ANKRD24: variants seen among roughly 807,000 people sequenced by gnomAD.
The protein encoded by ANKRD24 is ankyrin repeat domain-containing protein 24.
Under a neutral mutation model 127.8 loss-of-function variants are expected in ANKRD24, and 109 were observed. The observed-to-expected ratio is 0.85, with a 90% CI of 0.73 to 1.00. ANKRD24 has a LOEUF of 1.00. Ranked by LOEUF, ANKRD24 falls within the 50% of genes least tolerant of loss-of-function variation. The pLI, the probability that ANKRD24 is intolerant of heterozygous loss-of-function variation, is 0.00. For synonymous variants in ANKRD24, 743 were observed against 671.1 expected, an observed-to-expected ratio of 1.11 and a Z score of -1.66; for missense variants, 1,648 against 1,570.2, an observed-to-expected ratio of 1.05 and a Z score of -0.84.
chr19:4,200,727 GC>G (rs1350009599), intron 5 of ANKRD24, among the ~76,000 whole-genome samples: 1 of 152,044 alleles, frequency 6.6e-6, no homozygotes, highest in Non-Finnish European at 1.5e-5. Flanking sequence ...TCCCTGTGTT[GC>G]CCAGGCCGGT....
intron 2 of ANKRD24, among the ~76,000 whole-genome samples, chr19:4,189,347 G>A (rs1968252741): frequency 7.1e-6 from 1 of 140,094 alleles, no homozygotes; most frequent in Non-Finnish European, 1.5e-5. Context: ...CTGGATTCAA[G>A]CTATTCTTTT....
rs1220120409 is a variant in ANKRD24, at chr19:4,198,872, T to C, written c.37-811T>C. The stretch of plus-strand genomic sequence containing the variant: ...TGGAAGCTATTTTGGGAGAGCCGAT[T>C]TTGCGAAGAGGTAATGATTTGGAGA... On this transcript the variant is annotated intron_variant, in intron 2 of 21. Transcript: ENST00000318934. This position sits in a 1 kb window ranked among gnomAD's most constrained non-coding sequence, Gnocchi z 6.1. Among the ~76,000 whole-genome samples, 1 of 152,102 alleles carries C rather than the reference T, an allele frequency of 6.6e-6. No individual in the cohort carries two copies. Among genetic ancestry groups the C allele is most frequent in the Non-Finnish European group, 1.5e-5 (1 of 68,022 alleles).
At chr19:4,201,944 A>G in intron 5 of ANKRD24, 82 bp from the exon 6 acceptor site, 1 of 1,223,774 alleles carries the variant, frequency 8.2e-7, no homozygotes, top group Non-Finnish European at 1.2e-6. Flanking sequence ...GAAACTCATC[A>G]CAAGTAGTTG....
chr19:4,186,412 A>G lies in ANKRD24; in HGVS notation c.-14A>G, dbSNP rs1332785512. 3 of 1,585,078 alleles carry G rather than the reference A, an allele frequency of 1.9e-6. No individual in the cohort carries two copies. The highest frequency in any genetic ancestry group is 2.6e-6 in the Non-Finnish European group (3 of 1,165,752). ...CAGGTGGCCTGTGGAGAGGAGAAAC[A>G]CAGGGCACCAACTATGAAGACTCTC... is the stretch of plus-strand genomic sequence containing the variant. On this transcript the variant is annotated 5_prime_UTR_variant, in exon 2 of 22. Transcript: ENST00000318934.
intron 11 of ANKRD24, 140 bp from the exon 12 acceptor site, chr19:4,209,918 C>T (rs531514446): frequency 2.1e-5 from 11 of 533,754 alleles, no homozygotes; most frequent in Middle Eastern, 4.7e-4. Context: ...GATAAGTAAG[C>T]GGCAGGAGGC....
At position 4,220,706 on chromosome 19, in the gene ANKRD24, C is replaced by A. The variant is rs370323544; in HGVS notation, c.3171+948C>A. 4.7e-3 allele frequency among the ~76,000 whole-genome samples: 710 copies of A among 151,616 alleles called. 4 individuals are homozygous for A. Among genetic ancestry groups the A allele is most frequent in the South Asian group, 0.013 (62 of 4,790 alleles). On this transcript the variant is annotated intron_variant, in intron 19 of 21. Transcript: ENST00000318934. ...AGTAGCTGGGACTACAGGCGCCTGCCACCACGCCCGGCTAATTTTTTTGTA... is the reference window on the plus strand; with the variant it reads ...AGTAGCTGGGACTACAGGCGCCTGCAACCACGCCCGGCTAATTTTTTTGTA...
intron 11 of ANKRD24, 149 bp downstream of exon 11, chr19:4,208,950 G>T: frequency 4.9e-6 from 4 of 809,496 alleles, no homozygotes; most frequent in Non-Finnish European, 7.8e-6. Flanking sequence ...CTGCCACCAA[G>T]TGGCGGCAGT....
At chr19:4,189,243 CTTTTTTTTT>C (rs398033749) in intron 2 of ANKRD24, among the ~76,000 whole-genome samples, 6 of 73,940 alleles carry the variant, frequency 8.1e-5, no homozygotes, top group East Asian at 4.7e-4. Context: ...TTTCTTTCTT[CTTTTTTTTT>C]TTTTTTTTTT....
intron 19 of ANKRD24, among the ~76,000 whole-genome samples, chr19:4,222,436 T>C (rs181607026): frequency 8.5e-5 from 13 of 152,238 alleles, no homozygotes; most frequent in Non-Finnish European, 1.9e-4. Context: ...AACCTTAGCT[T>C]GTGGGTTGTA....
chr19:4,184,228 C>T (rs1056928319), intron 1 of ANKRD24, among the ~76,000 whole-genome samples: 3 of 152,168 alleles, frequency 2.0e-5, no homozygotes, highest in Admixed American at 6.5e-5. Context: ...TGGAGCTGCT[C>T]GTGGCCCAGC....
chr19:4,200,405 G>A (rs1969033834), intron 5 of ANKRD24, among the ~76,000 whole-genome samples: 1 of 152,204 alleles, frequency 6.6e-6, no homozygotes. Context: ...GCTTGTGGAT[G>A]GGGAGTGACT....
At position 4,183,231 on chromosome 19, in the gene ANKRD24, C is replaced by T. The variant is rs533734545; in HGVS notation, c.-37+491C>T. On this transcript the variant is annotated intron_variant, in intron 1 of 21. Coordinates refer to ENST00000318934, the MANE Select transcript of ANKRD24 (RefSeq NM_001393985.1). ...CTGACCTCAGGTGATCTGACCGCCT[C>T]GGCCTCCCAAAGTGCTGGGATTACA... 1.9e-4 allele frequency: 161 copies of T among 845,280 alleles called. No homozygotes were observed. In the South Asian group the frequency reaches 7.1e-3, roughly 37 times the overall value. The allele number at this position is 845,280 out of a possible 1,614,324, so 52.4% of individuals were successfully genotyped here.
In ANKRD24 at chr19:4,199,903, GGCTGCT is replaced by G; in HGVS notation, c.153_158del (p.Leu52_Leu53del). 1 of 1,571,046 alleles carries G rather than the reference GGCTGCT, an allele frequency of 6.4e-7. No homozygotes were observed. Among genetic ancestry groups the G allele is most frequent in the Non-Finnish European group, 8.6e-7 (1 of 1,159,280 alleles). On this transcript the variant is annotated inframe_deletion, in exon 4 of 22. Coordinates refer to ENST00000318934, the MANE Select transcript of ANKRD24 (RefSeq NM_001393985.1). This position sits in a 1 kb window ranked among gnomAD's most constrained non-coding sequence, Gnocchi z 5.2. The stretch of plus-strand genomic sequence containing the variant: ...CAAGACTGGGGCAAGAGTGACGAGA[GGCTGCT>G]ACAAGCCGTGGAAAACAACGATGCA...
At chr19:4,209,636 G>C (rs1204822390) in intron 11 of ANKRD24, among the ~76,000 whole-genome samples, 2 of 150,974 alleles carry the variant, frequency 1.3e-5, no homozygotes, top group Admixed American at 6.6e-5. Flanking sequence ...TTTTTAGTAG[G>C]GTCGGGGTTT....
At chr19:4,204,823 G>A (rs1242169976) in intron 7 of ANKRD24, among the ~76,000 whole-genome samples, 1 of 152,182 alleles carries the variant, frequency 6.6e-6, no homozygotes, top group Non-Finnish European at 1.5e-5. Context: ...ATAGGAGTCC[G>A]TTGGTTTTTG....
chr19:4,184,840 A>G (rs1477545967), intron 1 of ANKRD24, among the ~76,000 whole-genome samples: 1 of 148,974 alleles, frequency 6.7e-6, no homozygotes. Flanking sequence ...GAATGGGTAG[A>G]TGTATGGATG....
At position 4,219,774 on chromosome 19, in the gene ANKRD24, C is replaced by G. The variant is rs772828784; in HGVS notation, c.3171+16C>G. 18 of 1,586,662 alleles carry G rather than the reference C, an allele frequency of 1.1e-5. No individual in the cohort carries two copies. Among genetic ancestry groups the G allele is most frequent in the Non-Finnish European group, 1.5e-5 (17 of 1,164,324 alleles). On this transcript the variant is annotated intron_variant, in intron 19 of 21. Transcript: ENST00000318934. ...GGACAAGAAGGTGGGTGCCCCCTCT[C>G]CCACACTCAGTCAGGGAGGCATCCA...
chr19:4,219,599 T>C lies in ANKRD24; in HGVS notation c.3012T>C (p.Arg1004=). 1 of 1,610,680 alleles carries C rather than the reference T, an allele frequency of 6.2e-7. No individual in the cohort carries two copies. The highest frequency in any genetic ancestry group is 8.5e-7 in the Non-Finnish European group (1 of 1,177,522). The change falls in exon 19 of 22, where the codon CGT becomes CGC. Residue 1004 remains arginine (R), a synonymous_variant. Coordinates refer to ENST00000318934, the MANE Select transcript of ANKRD24 (RefSeq NM_001393985.1). ...GTGGGCTTGGGCCACAGGTGCAGCG[T>C]GAGGCCCTGTTCATGAAGAGTGAGC... ...KTSAEVFQVQ[R]EALFMKSERH... is the part of the protein sequence containing the mutation.
intron 1 of ANKRD24, among the ~76,000 whole-genome samples, chr19:4,185,539 C>A (rs1225651805): frequency 6.6e-6 from 1 of 152,170 alleles, no homozygotes; most frequent in African/African-American, 2.4e-5. Flanking sequence ...AAAAAACACA[C>A]CCCCTCAAGA....
Sources: allele counts gnomAD v4.1 joint callset (sites outside exome capture counted in the v4.1 genomes callset), GRCh38; gene constraint gnomAD v4.1.1; non-coding constraint Gnocchi (gnomAD v3.1); transcripts MANE v1.5; gene names NCBI Gene and HGNC (gene_info 2026-07-23, HGNC 2026-07-21).